The following SLC25A30 variants were observed in gnomAD, a reference collection of about 807,000 sequenced individuals.
The protein encoded by SLC25A30 is solute carrier family 25 member 30.
A neutral mutation model predicts 42.7 loss-of-function variants in SLC25A30; 29 were observed. That is an observed-to-expected ratio of 0.68 (90% CI 0.51 to 0.93). SLC25A30 has a LOEUF of 0.93. Ranked by LOEUF, SLC25A30 falls within the 40% of genes least tolerant of loss-of-function variation. The pLI, the probability that SLC25A30 is intolerant of heterozygous loss-of-function variation, is 0.00. For synonymous variants in SLC25A30, 124 were observed against 131.0 expected (o/e 0.95, Z 0.37); for missense variants, 300 against 359.7 (o/e 0.83, Z 1.34).
chr13:45,410,880 C>A (rs74323091), intron 2 of SLC25A30, among the ~76,000 whole-genome samples: 13 of 152,170 alleles, frequency 8.5e-5, no homozygotes, highest in Non-Finnish European at 2.9e-5. Context: ...AAACTTCGAA[C>A]CCTAAACTGC....
chr13:45,419,930 C>CTGCTGCACTCTAGCTGCTGCACTCTAG (rs1883843201), upstream of SLC25A30, among the ~76,000 whole-genome samples: 1 of 151,056 alleles, frequency 6.6e-6, no homozygotes, highest in African/African-American at 2.4e-5. Context: ...TGCACTCTAG[C>CTGCTGCACTCTAGCTGCTGCACTCTAG]CTGGGTGACA....
At chr13:45,415,102 T>C (rs901831294) in intron 1 of SLC25A30, among the ~76,000 whole-genome samples, 10 of 152,190 alleles carry the variant, frequency 6.6e-5, no homozygotes. Context: ...TTACTTCTCC[T>C]TGCTGCGTTA....
At position 45,405,907 on chromosome 13, in the gene SLC25A30, G is replaced by C. The variant is rs779426554; in HGVS notation, c.283C>G (p.Arg95Gly). 3 of 1,614,124 alleles carry C rather than the reference G, an allele frequency of 1.9e-6. No individual in the cohort carries two copies. The highest frequency in any genetic ancestry group is 3.3e-5 in the Admixed American group (2 of 60,016). ...IKIGTYQSLKRLFIERPEDET... is the reference protein window; with the variant it reads ...IKIGTYQSLKGLFIERPEDET... ...CCTTCTGGGCGTTCAATGAATAGTC[G>C]CTTCAAGCTCTGGTAAGTGCCTATC... Residue 95 changes from arginine to glycine, a missense_variant, in exon 4 of 10, where the codon CGA becomes GGA. By Grantham distance (125) the Arg-to-Gly change is moderately radical (BLOSUM62 -2). Transcript: ENST00000519676.
the SLC25A30 span, among the ~76,000 whole-genome samples, chr13:45,425,535 T>G: frequency 1.4e-5 from 1 of 69,152 alleles, no homozygotes; most frequent in East Asian, 2.9e-4. Flanking sequence ...TAAATATGTA[T>G]AAGTATATAT....
chr13:45,424,524 AAAAT>A, the SLC25A30 span, among the ~76,000 whole-genome samples: 1 of 27,744 alleles, frequency 3.6e-5, no homozygotes, highest in South Asian at 8.1e-4. Flanking sequence ...TAAATATATA[AAAAT>A]ATATATAAAT....
At chr13:45,397,536 C>CA (rs966191453) in intron 8 of SLC25A30, 198 bp from the exon 9 acceptor site, 3,089 of 369,542 alleles carry the variant, frequency 8.4e-3, no homozygotes, top group South Asian at 0.015. Context: ...ACTAAAAATA[C>CA]AAAAAAAAAA....
chr13:45,427,995 G>A, the SLC25A30 span, among the ~76,000 whole-genome samples: 3 of 151,296 alleles, frequency 2.0e-5, no homozygotes, highest in African/African-American at 4.9e-5. Flanking sequence ...CACCCGCCTC[G>A]GCCTCCCAAA....
upstream of SLC25A30, among the ~76,000 whole-genome samples, chr13:45,419,056 G>A (rs1364116434): frequency 7.2e-6 from 1 of 139,706 alleles, no homozygotes; most frequent in Non-Finnish European, 1.5e-5. Flanking sequence ...GCTTGAACCC[G>A]GGAGGCGGAG....
the SLC25A30 span, among the ~76,000 whole-genome samples, chr13:45,423,896 T>C: frequency 1.1e-5 from 1 of 88,652 alleles, no homozygotes; most frequent in Non-Finnish European, 1.9e-5. Context: ...TATATATAAA[T>C]ATATATAAGA....
chr13:45,429,260 G>A, the SLC25A30 span, among the ~76,000 whole-genome samples: 1 of 151,188 alleles, frequency 6.6e-6, no homozygotes, highest in Admixed American at 6.6e-5. Flanking sequence ...GTAGAGACGG[G>A]GTTTCACCAT....
In SLC25A30 at chr13:45,414,485, C is replaced by T. The variant is rs372830783; in HGVS notation, c.-55-3005G>A. ...TACAAAACTCAGCCAGGCATGGTGGCGGGTGCCTGTAATTCCAGCTACTCA... is the reference window on the plus strand; with the variant it reads ...TACAAAACTCAGCCAGGCATGGTGGTGGGTGCCTGTAATTCCAGCTACTCA... On this transcript the variant is annotated intron_variant, in intron 1 of 9. Transcript: ENST00000519676. Among the ~76,000 whole-genome samples, 3 of 152,202 alleles carry T rather than the reference C, an allele frequency of 2.0e-5. No individual in the cohort carries two copies. The South Asian group carries it at 6.2e-4, about 32-fold the overall frequency.
At chr13:45,412,399 A>C (rs1883110816) in intron 1 of SLC25A30, among the ~76,000 whole-genome samples, 1 of 152,124 alleles carries the variant, frequency 6.6e-6, no homozygotes, top group African/African-American at 2.4e-5. Context: ...CAGCCACCAC[A>C]GGCTACTTGT....
intron 5 of SLC25A30, among the ~76,000 whole-genome samples, chr13:45,403,194 T>TA (rs1478177070): frequency 2.0e-5 from 3 of 152,330 alleles, no homozygotes; most frequent in African/African-American, 7.2e-5. Flanking sequence ...CTGGTAAACT[T>TA]ATGGCAAAGG....
At chr13:45,420,598 T>A (rs935848937), upstream of SLC25A30, among the ~76,000 whole-genome samples, 1 of 152,170 alleles carries the variant, frequency 6.6e-6, no homozygotes, top group Non-Finnish European at 1.5e-5. Context: ...ACCATTACCC[T>A]AAGCCCCACC....
rs1881173168 is a variant in SLC25A30, at chr13:45,394,497, T to C, written c.*1477A>G. The C allele has an allele frequency of 1.0e-6, 1 of 985,272 alleles. No homozygotes were observed. Among genetic ancestry groups the C allele is most frequent in the Admixed American group, 6.2e-5 (1 of 16,258 alleles). 61.0% of individuals were successfully genotyped at this position (985,272 alleles called of 1,614,324 possible). A position where few individuals can be genotyped will look rare whatever the true frequency, so the allele number is the denominator to read the frequency against. ...GAATGCCCTGGAGCCCCAGCTAACATGTATTTAATGTTGTTCTCAAAGGGG... is the reference window on the plus strand; with the variant it reads ...GAATGCCCTGGAGCCCCAGCTAACACGTATTTAATGTTGTTCTCAAAGGGG... On this transcript the variant is annotated 3_prime_UTR_variant, in exon 10 of 10. Coordinates refer to ENST00000519676, the MANE Select transcript of SLC25A30 (RefSeq NM_001010875.4).
chr13:45,424,390 AAT>A, the SLC25A30 span, among the ~76,000 whole-genome samples: 3 of 70,284 alleles, frequency 4.3e-5, no homozygotes, highest in Admixed American at 5.4e-4. Flanking sequence ...TAGATATATA[AAT>A]ATATAAATAT....
chr13:45,403,761 C>A (rs1222061741), intron 5 of SLC25A30, among the ~76,000 whole-genome samples: 1 of 151,796 alleles, frequency 6.6e-6, no homozygotes, highest in Non-Finnish European at 1.5e-5. Context: ...GATGGTGAAA[C>A]CCCATCTCTA....
At chr13:45,404,631 C>T (rs1882326396) in intron 4 of SLC25A30, among the ~76,000 whole-genome samples, 1 of 152,064 alleles carries the variant, frequency 6.6e-6, no homozygotes, top group Non-Finnish European at 1.5e-5. Flanking sequence ...CCAGCCTGGC[C>T]AACATGGTGA....
At chr13:45,416,003 T>C (rs1257850456) in intron 1 of SLC25A30, among the ~76,000 whole-genome samples, 1 of 151,056 alleles carries the variant, frequency 6.6e-6, no homozygotes, top group African/African-American at 2.4e-5. Flanking sequence ...TTTCACCATG[T>C]TGGTTAGGCT....
Sources: gnomAD v4.1 joint callset for allele counts (sites outside exome capture counted in the v4.1 genomes callset) on GRCh38, gnomAD v4.1.1 for gene constraint, MANE v1.5 for transcripts, NCBI Gene and HGNC (gene_info 2026-07-23, HGNC 2026-07-21) for gene names.